DIS3L2: variants seen among roughly 807,000 people sequenced by gnomAD.
DIS3L2 encodes DIS3 like 3'-5' exoribonuclease 2.
A neutral mutation model predicts 97.5 loss-of-function variants in DIS3L2; 34 were observed. The ratio of observed to expected loss-of-function variants is 0.35; its 90% confidence interval spans 0.27 to 0.46. The LOEUF is 0.46. DIS3L2 is among the 20% of genes least tolerant of loss of function. The pLI, the probability that DIS3L2 is intolerant of heterozygous loss-of-function variation, is 1.00. For missense variants in DIS3L2, 1,038 were observed against 1,146.0 expected (o/e 0.91, Z 1.36); for synonymous variants, 435 against 445.2 (o/e 0.98, Z 0.29).
intron 14 of DIS3L2, among the ~76,000 whole-genome samples, chr2:232,313,014 T>G (rs1452037076): frequency 2.0e-5 from 3 of 152,170 alleles, no homozygotes; most frequent in Non-Finnish European, 4.4e-5. Flanking sequence ...GATGCTTTTT[T>G]ATTTCCAGTG....
At chr2:232,147,996 T>TC in intron 8 of DIS3L2, among the ~76,000 whole-genome samples, 4 of 89,934 alleles carry the variant, frequency 4.4e-5, no homozygotes, top group Non-Finnish European at 6.4e-5. Context: ...GCTCCCCTCT[T>TC]TTCTCCTCTC....
intron 6 of DIS3L2, among the ~76,000 whole-genome samples, chr2:232,106,517 A>G (rs1214963461): frequency 2.0e-5 from 3 of 152,206 alleles, no homozygotes; most frequent in Non-Finnish European, 2.9e-5. Flanking sequence ...GAGTTGCATT[A>G]CATAATGGTA....
chr2:231,966,619 C>A (rs1692722161), intron 1 of DIS3L2, among the ~76,000 whole-genome samples: 1 of 149,504 alleles, frequency 6.7e-6, no homozygotes, highest in African/African-American at 2.5e-5. Context: ...CATGAGCCAC[C>A]ATGCCCAGCT....
At chr2:232,200,151 G>A (rs1352940767) in intron 9 of DIS3L2, among the ~76,000 whole-genome samples, 1 of 152,136 alleles carries the variant, frequency 6.6e-6, no homozygotes, top group African/African-American at 2.4e-5. Context: ...ATATAAATAT[G>A]GAATGGGGGA....
At chr2:232,132,747 T>G (rs1001045815) in intron 7 of DIS3L2, among the ~76,000 whole-genome samples, 5 of 152,132 alleles carry the variant, frequency 3.3e-5, no homozygotes, top group Non-Finnish European at 7.4e-5. Flanking sequence ...TCACCGGACC[T>G]GCAGCTTCTC....
intron 13 of DIS3L2, among the ~76,000 whole-genome samples, chr2:232,296,662 C>A (rs1694733456): frequency 6.6e-6 from 1 of 152,194 alleles, no homozygotes. Context: ...CTTGCCTTTG[C>A]TTCTCCTTTG....
At chr2:232,190,381 G>GA (rs1691578813) in intron 9 of DIS3L2, among the ~76,000 whole-genome samples, 1 of 152,188 alleles carries the variant, frequency 6.6e-6, no homozygotes, top group African/African-American at 2.4e-5. Context: ...CATGCTCCGA[G>GA]AAAACCTCTC....
intron 10 of DIS3L2, among the ~76,000 whole-genome samples, chr2:232,213,368 AG>A (rs1264699758): frequency 6.6e-6 from 1 of 152,214 alleles, no homozygotes; most frequent in African/African-American, 2.4e-5. Context: ...GCAGAGCAGC[AG>A]GAAAAGGACA....
At chr2:232,016,841 G>A (rs2106223354) in intron 3 of DIS3L2, among the ~76,000 whole-genome samples, 1 of 152,118 alleles carries the variant, frequency 6.6e-6, no homozygotes, top group Admixed American at 6.5e-5. Flanking sequence ...CTGTATTTGT[G>A]TTTTTGGCTG....
chr2:232,034,619 C>T (rs1236893950), intron 5 of DIS3L2, among the ~76,000 whole-genome samples: 1 of 152,172 alleles, frequency 6.6e-6, no homozygotes, highest in Non-Finnish European at 1.5e-5. Context: ...CTATAAATTT[C>T]CTTCTAAAGA....
At chr2:232,114,886 A>G (rs1697653784) in intron 6 of DIS3L2, among the ~76,000 whole-genome samples, 1 of 152,216 alleles carries the variant, frequency 6.6e-6, no homozygotes, top group African/African-American at 2.4e-5. Flanking sequence ...TCTTACAGTT[A>G]TGGAGTATAA....
intron 1 of DIS3L2, among the ~76,000 whole-genome samples, chr2:231,984,955 C>G (rs1559515515): frequency 1.3e-5 from 2 of 152,184 alleles, no homozygotes; most frequent in East Asian, 3.9e-4. Flanking sequence ...CTTGTAGAAT[C>G]ACATGCAATT....
intron 13 of DIS3L2, 48 bp downstream of exon 13, chr2:232,263,488 G>T: frequency 6.3e-7 from 1 of 1,593,150 alleles, no homozygotes; most frequent in South Asian, 1.1e-5. Flanking sequence ...ACTCGTGCCT[G>T]AACCCAGCGT....
In DIS3L2 at chr2:232,222,860, C is replaced by T. The variant is rs540232232; in HGVS notation, c.1204+12455C>T. Among the ~76,000 whole-genome samples the T allele has an allele frequency of 3.9e-5, 6 of 152,282 alleles. No homozygotes were observed. The South Asian group carries it at 8.3e-4, about 21-fold the overall frequency. On this transcript the variant is annotated intron_variant, in intron 10 of 20. Transcript: ENST00000325385. ...AAATCCAAATAACTGAATAGTCATG[C>T]GAGGGCTCTGGCATGGAAGTGGGCT...
At chr2:232,244,280 C>A (rs752163036) in intron 11 of DIS3L2, among the ~76,000 whole-genome samples, 3 of 152,102 alleles carry the variant, frequency 2.0e-5, no homozygotes, top group Non-Finnish European at 4.4e-5. Context: ...AAATCCCCAG[C>A]TGTGTTCTGG....
At chr2:232,026,799 G>A (rs73995067) in intron 4 of DIS3L2, among the ~76,000 whole-genome samples, 3,289 of 152,226 alleles carry the variant, frequency 0.022, 76 homozygotes, top group Admixed American at 0.055. Context: ...GCAAAAGGTG[G>A]TGATGTTTTA....
chr2:232,008,449 C>T (rs1018739575), intron 1 of DIS3L2, among the ~76,000 whole-genome samples: 1 of 151,846 alleles, frequency 6.6e-6, no homozygotes, highest in Non-Finnish European at 1.5e-5. Flanking sequence ...ATAGAGATGT[C>T]CTCTCTTTCA....
chr2:232,338,891 A>C (rs940730235), downstream of DIS3L2, among the ~76,000 whole-genome samples: 1 of 152,410 alleles, frequency 6.6e-6, no homozygotes, highest in Admixed American at 6.5e-5. Flanking sequence ...GTCCCACAGC[A>C]CCTGCCGGCC....
intron 13 of DIS3L2, among the ~76,000 whole-genome samples, chr2:232,288,595 C>T (rs1217134807): frequency 1.3e-5 from 2 of 152,204 alleles, no homozygotes; most frequent in African/African-American, 4.8e-5. Flanking sequence ...ATATAACTCC[C>T]CGACTCCTCA....
Sources: allele counts gnomAD v4.1 joint callset (sites outside exome capture counted in the v4.1 genomes callset), GRCh38; gene constraint gnomAD v4.1.1; transcripts MANE v1.5; gene names NCBI Gene and HGNC (gene_info 2026-07-23, HGNC 2026-07-21).